CNTN5: variants seen among roughly 807,000 people sequenced by gnomAD.
The protein encoded by CNTN5 is contactin-5.
In CNTN5, 77 loss-of-function variants were observed where a neutral mutation model predicts 129.1. The ratio of observed to expected loss-of-function variants is 0.60; its 90% CI spans 0.50 to 0.72. The LOEUF is 0.72. CNTN5 is among the 30% of genes least tolerant of loss of function. The pLI is 0.00. For missense variants in CNTN5, 1,478 were observed against 1,328.8 expected, an observed-to-expected ratio of 1.11 and a Z score of -1.75; for synonymous variants, 509 against 465.6, an observed-to-expected ratio of 1.09 and a Z score of -1.20.
intron 13 of CNTN5, among the ~76,000 whole-genome samples, chr11:100,140,228 A>G (rs921428461): frequency 2.6e-5 from 4 of 152,216 alleles, no homozygotes; most frequent in Non-Finnish European, 5.9e-5. Flanking sequence ...CATGAATTTT[A>G]AAAGAAATAT....
rs1432191200 is a variant in CNTN5, at chr11:99,598,326, GTCCCTCTCTC to G, written c.55+42060_55+42069del. ...TTTCTTTTCTTTTCTTTTCTTTTCT[GTCCCTCTCTC>G]TCTCTCTCTCTCTCTCTCTCTCTCT... On this transcript the variant is annotated intron_variant, in intron 3 of 24. Coordinates refer to ENST00000524871, the MANE Select transcript of CNTN5 (RefSeq NM_014361.4). Among the ~76,000 whole-genome samples the G allele has an allele frequency of 3.5e-3, 15 of 4,276 alleles. 4 individuals are homozygous for G. Among genetic ancestry groups the G allele is most frequent in the African/African-American group, 7.1e-3 (9 of 1,268 alleles). 2.8% of individuals were successfully genotyped at this position (4,276 alleles called of 152,430 possible).
intron 2 of CNTN5, among the ~76,000 whole-genome samples, chr11:99,378,943 C>G (rs1940352495): frequency 6.6e-6 from 1 of 151,950 alleles, no homozygotes; most frequent in Non-Finnish European, 1.5e-5. Context: ...AAGAGCAAGA[C>G]ATATCAATGA....
At chr11:99,291,212 C>A (rs991647437) in intron 1 of CNTN5, among the ~76,000 whole-genome samples, 7 of 151,828 alleles carry the variant, frequency 4.6e-5, no homozygotes, top group African/African-American at 1.7e-4. Flanking sequence ...ATACACTGCA[C>A]AGATTAATGT....
chr11:99,084,702 T>C (rs1033941000), intron 1 of CNTN5, among the ~76,000 whole-genome samples: 30 of 152,154 alleles, frequency 2.0e-4, no homozygotes, highest in African/African-American at 4.1e-4. Context: ...GCTGGTAATA[T>C]TGTGCTAATA....
intron 3 of CNTN5, among the ~76,000 whole-genome samples, chr11:99,748,346 T>C (rs1055693813): frequency 6.6e-6 from 1 of 152,116 alleles, no homozygotes; most frequent in African/African-American, 2.4e-5. Context: ...CCTGGGCTTA[T>C]CTTTGTTGGG....
At chr11:100,029,166 GACAAA>G (rs984105066) in intron 9 of CNTN5, among the ~76,000 whole-genome samples, 14 of 149,892 alleles carry the variant, frequency 9.3e-5, no homozygotes, top group South Asian at 6.4e-4. Context: ...AAAAAAAAAT[GACAAA>G]ACAAAACAAC....
At chr11:99,298,864 C>A (rs756511738) in intron 1 of CNTN5, among the ~76,000 whole-genome samples, 20 of 152,068 alleles carry the variant, frequency 1.3e-4, no homozygotes, top group Non-Finnish European at 2.4e-4. Flanking sequence ...TAGGTAACTT[C>A]CCCTCCAACC....
At chr11:99,951,768 C>T (rs1565713340) in intron 7 of CNTN5, among the ~76,000 whole-genome samples, 1 of 151,928 alleles carries the variant, frequency 6.6e-6, no homozygotes, top group African/African-American at 2.4e-5. Flanking sequence ...TCTATTTAGC[C>T]CAACAACAAG....
intron 1 of CNTN5, among the ~76,000 whole-genome samples, chr11:99,198,197 C>G (rs779097487): frequency 2.6e-5 from 4 of 152,076 alleles, no homozygotes; most frequent in African/African-American, 4.8e-5. Context: ...GTGAAATCTG[C>G]AAGTATAAGC....
At chr11:100,039,677 C>A (rs911252168) in intron 9 of CNTN5, among the ~76,000 whole-genome samples, 1 of 152,048 alleles carries the variant, frequency 6.6e-6, no homozygotes, top group Non-Finnish European at 1.5e-5. Context: ...TCTTTTTGTT[C>A]TTTTTTCTCT....
chr11:99,316,999 TC>T (rs1314161671), intron 1 of CNTN5, among the ~76,000 whole-genome samples: 1 of 152,144 alleles, frequency 6.6e-6, no homozygotes, highest in African/African-American at 2.4e-5. Flanking sequence ...GCAAGGAAGA[TC>T]TTTTTCAGCT....
chr11:99,406,612 A>C (rs2136223720), intron 2 of CNTN5, among the ~76,000 whole-genome samples: 1 of 152,288 alleles, frequency 6.6e-6, no homozygotes, highest in Non-Finnish European at 1.5e-5. Flanking sequence ...TGGCCAAGCC[A>C]GCCAGTCCTA....
intron 3 of CNTN5, among the ~76,000 whole-genome samples, chr11:99,559,134 G>T (rs1948761478): frequency 6.6e-6 from 1 of 151,746 alleles, no homozygotes; most frequent in South Asian, 2.1e-4. Context: ...CATTTTCACT[G>T]GTTATTGCTT....
At chr11:99,444,265 C>A (rs137984264) in intron 2 of CNTN5, among the ~76,000 whole-genome samples, 35 of 151,950 alleles carry the variant, frequency 2.3e-4, no homozygotes, top group African/African-American at 8.4e-4. Flanking sequence ...TAATTAACTA[C>A]CAATAATTTC....
chr11:100,070,690 T>C, intron 11 of CNTN5, 130 bp downstream of exon 11: 1 of 714,618 alleles, frequency 1.4e-6, no homozygotes, highest in Non-Finnish European at 2.3e-6. Context: ...CATGTTTGTG[T>C]TAAGGATGAA....
chr11:99,103,656 C>A (rs548080542), intron 1 of CNTN5, among the ~76,000 whole-genome samples: 1 of 151,566 alleles, frequency 6.6e-6, no homozygotes, highest in Non-Finnish European at 1.5e-5. Flanking sequence ...GTGATTGTGA[C>A]CCTATTTGGA....
intron 2 of CNTN5, among the ~76,000 whole-genome samples, chr11:99,373,711 C>CAAAAAAAAAAAAAAAAAAAAAAAAAAA: frequency 1.0e-5 from 1 of 95,998 alleles, no homozygotes; most frequent in Non-Finnish European, 2.0e-5. Context: ...AACTCCGTCT[C>CAAAAAAAAAAAAAAAAAAAAAAAAAAA]AAAAAAAAAA....
intron 6 of CNTN5, 26 bp from the exon 7 acceptor site, chr11:99,916,028 A>G (rs1414756551): frequency 1.3e-6 from 2 of 1,556,324 alleles, no homozygotes; most frequent in African/African-American, 2.7e-5. Flanking sequence ...TCTGCCTTGG[A>G]TCTAAATGTT....
intron 18 of CNTN5, among the ~76,000 whole-genome samples, chr11:100,278,489 A>C (rs1591467016): frequency 6.6e-6 from 1 of 151,978 alleles, no homozygotes; most frequent in Non-Finnish European, 1.5e-5. Context: ...AATGTATTGC[A>C]TCAGTTTTAC....
Sources: gnomAD v4.1 joint callset for allele counts (sites outside exome capture counted in the v4.1 genomes callset) on GRCh38, gnomAD v4.1.1 for gene constraint, MANE v1.5 for transcripts, NCBI Gene and HGNC (gene_info 2026-07-23, HGNC 2026-07-21) for gene names.